Variants in USP35 observed in about 807,000 individuals in gnomAD.
USP35 encodes the protein ubiquitin specific peptidase 35, also known as ubiquitin carboxyl-terminal hydrolase 35.
In USP35, 69 loss-of-function variants were observed where a neutral mutation model predicts 83.8. The observed-to-expected ratio is 0.82, with a 90% CI of 0.68 to 1.01. The LOEUF is 1.01. Among genes scored for constraint, USP35 ranks in the 50% least tolerant of loss-of-function variants. USP35 has a pLI of 0.00. For synonymous variants in USP35, 714 were observed against 589.5 expected, an observed-to-expected ratio of 1.21 and a Z score of -3.06; for missense variants, 1,503 against 1,362.5, an observed-to-expected ratio of 1.10 and a Z score of -1.62.
chr11:78,233,311 AG>A, the USP35 span, among the ~76,000 whole-genome samples: 1 of 152,304 alleles, frequency 6.6e-6, no homozygotes, highest in Admixed American at 6.5e-5. Context: ...CTGGGATTAT[AG>A]GCATGAGCCA....
intron 3 of USP35, 32 bp from the exon 4 acceptor site, chr11:78,199,563 T>A (rs1324239588): frequency 6.2e-7 from 1 of 1,613,888 alleles, no homozygotes; most frequent in South Asian, 1.1e-5. Context: ...GGGTGTCCCT[T>A]GTCCCTGTGT....
chr11:78,194,006 A>C (rs561656196), intron 1 of USP35, among the ~76,000 whole-genome samples: 1 of 149,562 alleles, frequency 6.7e-6, no homozygotes, highest in African/African-American at 2.4e-5. Flanking sequence ...TGTTGGGACT[A>C]CAGGCGTGAG....
chr11:78,198,181 G>C, intron 3 of USP35, 113 bp downstream of exon 3: 1 of 1,489,458 alleles, frequency 6.7e-7, no homozygotes, highest in Non-Finnish European at 9.1e-7. Context: ...AGAGGGCCCA[G>C]GCCCTCATGT....
chr11:78,213,750 C>T lies in USP35; in HGVS notation c.2994C>T (p.Gly998=). The change falls in exon 11 of 11, where the codon GGC becomes GGT. Residue 998 remains glycine, a synonymous_variant. Transcript: ENST00000529308. ...GFDEDKDEDE[G]SPGGCNPAGG... is the part of the protein sequence containing the mutation. ...ATGAAGACAAGGATGAGGATGAAGG[C>T]TCTCCAGGGGGCTGCAATCCTGCAG... The T allele has an allele frequency of 1.9e-6, 3 of 1,542,126 alleles. No homozygotes were observed. Among genetic ancestry groups the T allele is most frequent in the Non-Finnish European group, 2.6e-6 (3 of 1,153,812 alleles).
chr11:78,213,604 T>TGTGAATTCTAAGTCTAA, intron 10 of USP35, 42 bp from the exon 11 acceptor site: 1 of 1,436,222 alleles, frequency 7.0e-7, no homozygotes, highest in Non-Finnish European at 9.1e-7. Flanking sequence ...GGCTTCAGGG[T>TGTGAATTCTAAGTCTAA]GTGAATTCTA....
intron 3 of USP35, chr11:78,199,200 CTG>C (rs777951991): frequency 1.7e-5 from 4 of 231,232 alleles, no homozygotes; most frequent in African/African-American, 8.9e-5. Flanking sequence ...GAGGAAGAAA[CTG>C]AGGCCCAGAG....
In USP35 at chr11:78,191,841, C is replaced by CT. The variant is rs1215811595; in HGVS notation, c.-11+2704dup. ...AGACTCATGACAGCCCGGCCCTCAT[C>CT]TTTTTTTTTTTTTTTTTTTTGAGAC... On this transcript the variant is annotated intron_variant, in intron 1 of 10. Coordinates refer to ENST00000529308, the MANE Select transcript of USP35 (RefSeq NM_020798.4). Among the ~76,000 whole-genome samples, 1,086 of 133,446 alleles carry CT rather than the reference C, an allele frequency of 8.1e-3. 6 individuals carry two copies. The highest frequency in any genetic ancestry group is 0.012 in the African/African-American group (432 of 35,826). The allele number at this position is 133,446 out of a possible 152,430, so 87.5% of individuals were successfully genotyped here. A position where few individuals can be genotyped will look rare whatever the true frequency, so the allele number is the denominator to read the frequency against.
At chr11:78,213,528 T>C (rs1863890409) in intron 10 of USP35, 118 bp from the exon 11 acceptor site, 1 of 1,206,504 alleles carries the variant, frequency 8.3e-7, no homozygotes, top group Non-Finnish European at 1.1e-6. Flanking sequence ...GCAATGTCTC[T>C]GTGTGTCCAG....
At chr11:78,201,349 G>A (rs150057491) in intron 6 of USP35, among the ~76,000 whole-genome samples, 5 of 152,184 alleles carry the variant, frequency 3.3e-5, no homozygotes, top group Non-Finnish European at 5.9e-5. Context: ...CTTTACTGAC[G>A]TCCTGCTCTG....
chr11:78,196,489 G>C lies in USP35; in HGVS notation c.244G>C (p.Ala82Pro). Residue 82 changes from alanine (A) to proline (P), a missense_variant, in exon 2 of 11, where the codon GCG (alanine) becomes CCG (proline). Transcript: ENST00000529308. This position sits in a 1 kb window ranked among gnomAD's most constrained non-coding sequence, Gnocchi z 4.8. ...CGACGTCTTCGCCGAGTTCTTCAGC[G>C]CGCGTCGCGTGCTGCGCCTGCTGCA... ...HPDVFAEFFSARRVLRLLQGG... is the reference protein window; with the variant it reads ...HPDVFAEFFSPRRVLRLLQGG... The C allele has an allele frequency of 8.1e-7, 1 of 1,233,300 alleles. No individual in the cohort carries two copies. 76.4% of individuals were successfully genotyped at this position (1,233,300 alleles called of 1,614,324 possible). A position where few individuals can be genotyped will look rare whatever the true frequency, so the allele number is the denominator to read the frequency against.
chr11:78,206,254 G>A (rs780788512), intron 7 of USP35, among the ~76,000 whole-genome samples: 2 of 152,188 alleles, frequency 1.3e-5, no homozygotes, highest in Non-Finnish European at 2.9e-5. Flanking sequence ...AAGGGGCTGG[G>A]CAGCCCTGGG....
downstream of USP35, chr11:78,218,988 C>A: frequency 2.5e-6 from 1 of 396,952 alleles, no homozygotes. Flanking sequence ...CAGGAAGAGG[C>A]TGAAGGATGC....
At chr11:78,225,099 C>A in the USP35 span, 1 of 1,594,266 alleles carries the variant, frequency 6.3e-7, no homozygotes, top group Admixed American at 1.7e-5. Context: ...TGGGTTAACC[C>A]ACACTCACCA....
At chr11:78,225,249 G>A in the USP35 span, 4 of 1,270,226 alleles carry the variant, frequency 3.1e-6, no homozygotes, top group East Asian at 2.3e-5. Context: ...TGATTCATGT[G>A]TTGACACTTA....
chr11:78,233,472 T>C, the USP35 span, among the ~76,000 whole-genome samples: 3 of 152,224 alleles, frequency 2.0e-5, no homozygotes, highest in Non-Finnish European at 4.4e-5. Flanking sequence ...TGTTGAAGAA[T>C]CTATTCACAT....
At position 78,204,051 on chromosome 11, in the gene USP35, C is replaced by T. The variant is rs982735314; in HGVS notation, c.1198-1791C>T. Among the ~76,000 whole-genome samples, 40 of 149,228 alleles carry T rather than the reference C, an allele frequency of 2.7e-4. No individual in the cohort carries two copies. The East Asian group carries it at 4.0e-3, about 15-fold the overall frequency. ...GACTACAGGCGCCCGCCACTACGCC[C>T]GGCTAATTTTTTGTATTTTTAGTAG... On this transcript the variant is annotated intron_variant, in intron 6 of 10. Coordinates refer to ENST00000529308, the MANE Select transcript of USP35 (RefSeq NM_020798.4).
At chr11:78,208,634 G>A (rs1304842978) in intron 8 of USP35, among the ~76,000 whole-genome samples, 1 of 152,166 alleles carries the variant, frequency 6.6e-6, no homozygotes, top group Non-Finnish European at 1.5e-5. Flanking sequence ...CTAGAGCCTC[G>A]TTCATTTCTC....
Position 78,207,554 on chromosome 11 carries a change from G to T in USP35, c.1416G>T (p.Leu472Phe). The T allele has an allele frequency of 1.2e-6, 2 of 1,614,140 alleles. No individual in the cohort carries two copies. Among genetic ancestry groups the T allele is most frequent in the South Asian group, 1.1e-5 (1 of 91,068 alleles). Reference sequence around the variant, plus strand: ...GCTTCAGACATTGTGTGCTCCGCTTGACTGAGAACAACTCACAGCCCCTGA... The same window carrying T: ...GCTTCAGACATTGTGTGCTCCGCTTTACTGAGAACAACTCACAGCCCCTGA... ...ASDFRHCVLR[L>F]TENNSQPLMT... The change falls in exon 8 of 11, where the codon TTG becomes TTT. Residue 472 changes from leucine to phenylalanine, a missense_variant. By Grantham distance (22) the Leu-to-Phe change is conservative. Transcript: ENST00000529308.
At chr11:78,222,211 A>G in the USP35 span, 2 of 1,567,164 alleles carry the variant, frequency 1.3e-6, no homozygotes, top group Admixed American at 3.3e-5. Flanking sequence ...GCAGGAAAAG[A>G]AAGTCTGGTA....
Sources: allele counts gnomAD v4.1 joint callset (sites outside exome capture counted in the v4.1 genomes callset), GRCh38; gene constraint gnomAD v4.1.1; non-coding constraint Gnocchi (gnomAD v3.1); transcripts MANE v1.5; gene names NCBI Gene and HGNC (gene_info 2026-07-23, HGNC 2026-07-21).